Variants in RFC3 observed in about 807,000 individuals in gnomAD.
RFC3 encodes the protein replication factor C subunit 3, also known as A1 38 kDa subunit.
A neutral mutation model predicts 45.1 loss-of-function variants in RFC3; 41 were observed. That is an observed-to-expected ratio of 0.91 (90% CI 0.71 to 1.18). The LOEUF is 1.18. Among genes scored for constraint, RFC3 ranks in the 50% most tolerant of loss-of-function variants. RFC3 has a pLI of 0.00. For synonymous variants in RFC3, 149 were observed against 144.0 expected, an observed-to-expected ratio of 1.03 and a Z score of -0.25; for missense variants, 423 against 428.1, an observed-to-expected ratio of 0.99 and a Z score of 0.10.
intron 8 of RFC3, chr13:33,849,316 G>A (rs2082261225): frequency 6.6e-6 from 1 of 152,136 alleles, no homozygotes; most frequent in African/African-American, 2.4e-5. Flanking sequence ...AGGTGAGGTG[G>A]GATAGATCAT....
At chr13:33,955,139 C>G (rs1481687003) in intron 8 of RFC3, among the ~76,000 whole-genome samples, 1 of 152,080 alleles carries the variant, frequency 6.6e-6, no homozygotes, top group Non-Finnish European at 1.5e-5. Flanking sequence ...ATGATGACAT[C>G]ACTGAGCTAC....
chr13:33,834,330 A>ATAT (rs1491534285), intron 7 of RFC3, among the ~76,000 whole-genome samples: 2 of 95,082 alleles, frequency 2.1e-5, no homozygotes, highest in African/African-American at 8.6e-5. Context: ...ATATATATAT[A>ATAT]TCTGTACTGT....
At chr13:33,883,140 A>G (rs1388971077) in intron 8 of RFC3, among the ~76,000 whole-genome samples, 1 of 152,226 alleles carries the variant, frequency 6.6e-6, no homozygotes, top group Non-Finnish European at 1.5e-5. Context: ...CAGGCATGTA[A>G]TTGATGGGTC....
At chr13:33,892,430 C>T (rs1190784513) in intron 8 of RFC3, among the ~76,000 whole-genome samples, 1 of 152,180 alleles carries the variant, frequency 6.6e-6, no homozygotes, top group Non-Finnish European at 1.5e-5. Flanking sequence ...ATCCTTTCTG[C>T]TCCAAATAAA....
chr13:33,833,056 T>G (rs768166120), intron 7 of RFC3, among the ~76,000 whole-genome samples: 7 of 152,188 alleles, frequency 4.6e-5, no homozygotes, highest in Non-Finnish European at 8.8e-5. Flanking sequence ...ATTGTAGGAA[T>G]TGATTCCATT....
At chr13:33,921,637 C>T (rs2082769561) in intron 8 of RFC3, among the ~76,000 whole-genome samples, 1 of 152,056 alleles carries the variant, frequency 6.6e-6, no homozygotes, top group Non-Finnish European at 1.5e-5. Context: ...CTGAGGGTCC[C>T]TGATGGTGCA....
chr13:33,883,585 A>T (rs2082499864), intron 8 of RFC3, among the ~76,000 whole-genome samples: 1 of 152,194 alleles, frequency 6.6e-6, no homozygotes, highest in Admixed American at 6.5e-5. Flanking sequence ...TCATATCACT[A>T]TCAATATCCT....
chr13:33,831,242 T>C lies in RFC3; in HGVS notation c.711-14T>C, dbSNP rs767415182. 2 of 1,501,554 alleles carry C rather than the reference T, an allele frequency of 1.3e-6. No individual in the cohort carries two copies. The highest frequency in any genetic ancestry group is 2.3e-5 in the South Asian group (2 of 88,686). The allele number at this position is 1,501,554 out of a possible 1,614,324, so 93.0% of individuals were successfully genotyped here. ...CTTCTGTTTAACTTCTTGTGTTCTC[T>C]TTTTGTCATGTAGATATCCTTTTAC... On this transcript the variant is annotated splice_polypyrimidine_tract_variant and intron_variant, in intron 6 of 8. Transcript: ENST00000380071.
chr13:33,910,566 A>G lies in RFC3; in HGVS notation c.880-55521A>G, dbSNP rs138816261. Among the ~76,000 whole-genome samples the G allele has an allele frequency of 5.6e-4, 85 of 152,228 alleles. 1 individual carries two copies. In the East Asian group the frequency reaches 0.014, roughly 25 times the overall value. ...GATCACCGAAGGCTTTCTGGAAGAC[A>G]TGGCACTTGAGTCAAGACCATAGGC... On this transcript the variant is annotated intron_variant, in intron 8 of 8. Transcript: ENST00000434425.
chr13:33,949,541 G>A (rs1180046142), intron 8 of RFC3, among the ~76,000 whole-genome samples: 2 of 152,138 alleles, frequency 1.3e-5, no homozygotes, highest in African/African-American at 2.4e-5. Flanking sequence ...ATGCAAATGT[G>A]GCTCACAACT....
chr13:33,948,638 TACCCTGCA>T (rs2082969517), intron 8 of RFC3, among the ~76,000 whole-genome samples: 1 of 152,168 alleles, frequency 6.6e-6, no homozygotes. Context: ...AGAGGGGCTG[TACCCTGCA>T]AAGCCACAAG....
chr13:33,851,289 A>G (rs1165559588), intron 8 of RFC3, among the ~76,000 whole-genome samples: 3 of 152,192 alleles, frequency 2.0e-5, no homozygotes, highest in African/African-American at 7.2e-5. Flanking sequence ...TTGACCCTTG[A>G]ACAATGTCGG....
chr13:33,842,433 C>T (rs969788011), downstream of RFC3, among the ~76,000 whole-genome samples: 6 of 152,202 alleles, frequency 3.9e-5, no homozygotes, highest in African/African-American at 1.2e-4. Context: ...TGGATCCAGA[C>T]TGTATCTGCT....
chr13:33,823,161 G>A (rs1308066807), intron 2 of RFC3, among the ~76,000 whole-genome samples: 1 of 152,080 alleles, frequency 6.6e-6, no homozygotes. Flanking sequence ...GGGGAATGTT[G>A]GGGAAGAGTG....
intron 8 of RFC3, among the ~76,000 whole-genome samples, chr13:33,936,087 T>C (rs1473194187): frequency 6.6e-6 from 1 of 151,984 alleles, no homozygotes; most frequent in Non-Finnish European, 1.5e-5. Flanking sequence ...CGGGTTGGGG[T>C]GACTGCAGGT....
intron 8 of RFC3, chr13:33,846,457 T>G (rs775816484): frequency 2.6e-5 from 4 of 152,326 alleles, no homozygotes; most frequent in Non-Finnish European, 5.9e-5. Context: ...GCTGTCCTAC[T>G]GTGGCTGAGC....
intron 8 of RFC3, among the ~76,000 whole-genome samples, chr13:33,870,768 C>T (rs1168314811): frequency 6.6e-6 from 1 of 151,846 alleles, no homozygotes; most frequent in Non-Finnish European, 1.5e-5. Context: ...TTTGTTTTTC[C>T]AAAAAAATCT....
intron 7 of RFC3, among the ~76,000 whole-genome samples, chr13:33,834,298 G>GTGTGTGTGTATATATATATATATATA (rs1302839326): frequency 9.2e-6 from 1 of 109,220 alleles, no homozygotes; most frequent in African/African-American, 4.1e-5. Context: ...TGTACTGTGT[G>GTGTGTGTGTATATATATATATATATA]TATATATATA....
rs185286000 is a variant in RFC3 at position 33,888,516 on chromosome 13, G to A, written c.879+53299G>A. On this transcript the variant is annotated intron_variant, in intron 8 of 8. Coordinates refer to the RFC3 transcript ENST00000434425. ...GGAAGCCGAGTAGCCACAATGCTGC[G>A]TTACTCTATGGATGGATACAATGAA... Among the ~76,000 whole-genome samples the A allele has an allele frequency of 1.5e-4, 23 of 152,236 alleles. No homozygotes were observed. In the Middle Eastern group the frequency reaches 0.017, roughly 113 times the overall value.
Sources: gnomAD v4.1 joint callset for allele counts (sites outside exome capture counted in the v4.1 genomes callset) on GRCh38, gnomAD v4.1.1 for gene constraint, MANE v1.5 for transcripts, NCBI Gene and HGNC (gene_info 2026-07-23, HGNC 2026-07-21) for gene names.